Variants in CEP83 observed in about 807,000 individuals in gnomAD.
CEP83 encodes centrosomal protein 83.
Under a neutral mutation model 101.9 loss-of-function variants are expected in CEP83, and 70 were observed. The observed-to-expected ratio is 0.69, with a 90% CI of 0.57 to 0.84. The LOEUF (loss-of-function observed/expected upper bound fraction) is 0.84. Ranked by LOEUF, CEP83 falls within the 40% of genes least tolerant of loss-of-function variation. CEP83 has a pLI of 0.00. For missense variants in CEP83, 715 were observed against 787.2 expected, an observed-to-expected ratio of 0.91 and a Z score of 1.10; for synonymous variants, 264 against 267.9, an observed-to-expected ratio of 0.99 and a Z score of 0.14.
chr12:94,297,459 C>T, the CEP83 span: 21 of 1,373,394 alleles, frequency 1.5e-5, no homozygotes, highest in Non-Finnish European at 2.2e-5. Context: ...TTATGGCTAC[C>T]TAGGGGGTGT....
rs750881327 is a variant in CEP83, at chr12:94,368,226, G to A, written c.1049-25C>T. ...CCTAGTGTTTTTCAAGGAGAAAAGT[G>A]TACTATATTCAATGTTATTAAGATG... On this transcript the variant is annotated intron_variant, in intron 9 of 16. Transcript: ENST00000397809. 7.0e-6 allele frequency: 11 copies of A among 1,581,172 alleles called. No individual in the cohort carries two copies. In the East Asian group the frequency reaches 1.1e-4, roughly 16 times the overall value.
intron 6 of CEP83, among the ~76,000 whole-genome samples, chr12:94,385,475 A>G (rs948167584): frequency 6.6e-6 from 1 of 152,070 alleles, no homozygotes; most frequent in African/African-American, 2.4e-5. Context: ...AGAGGATGGG[A>G]GCCCTTGTTA....
At chr12:94,318,221 G>A (rs1210407492) in intron 14 of CEP83, among the ~76,000 whole-genome samples, 3 of 152,148 alleles carry the variant, frequency 2.0e-5, no homozygotes, top group African/African-American at 7.2e-5. Flanking sequence ...CAGCTTGGCT[G>A]TTGGTGTACA....
At chr12:94,366,849 A>G (rs1202184495) in intron 11 of CEP83, among the ~76,000 whole-genome samples, 2 of 152,164 alleles carry the variant, frequency 1.3e-5, no homozygotes, top group Non-Finnish European at 2.9e-5. Context: ...AATGACAGAA[A>G]AAAGTCACAA....
intron 14 of CEP83, among the ~76,000 whole-genome samples, chr12:94,331,078 G>A (rs140280788): frequency 6.6e-6 from 1 of 151,994 alleles, no homozygotes; most frequent in African/African-American, 2.4e-5. Context: ...GATCACTTGA[G>A]GTCAGGAGTT....
Position 94,312,749 on chromosome 12 carries a change from TCA to T in CEP83, c.1811+163_1811+164del, listed in dbSNP as rs943919771. ...GAGACCTTTTGGTTTAAAGAAACAT[TCA>T]GTTAGGGGGTAAAAAAAGGATAGTA... On this transcript the variant is annotated intron_variant, in intron 15 of 16. Coordinates refer to ENST00000397809, the MANE Select transcript of CEP83 (RefSeq NM_016122.3). 4.1e-6 allele frequency: 4 copies of T among 983,964 alleles called. No individual in the cohort carries two copies. In the African/African-American group the frequency reaches 5.2e-5, roughly 13 times the overall value. 61.0% of individuals were successfully genotyped at this position (983,964 alleles called of 1,614,324 possible).
intron 1 of CEP83, among the ~76,000 whole-genome samples, chr12:94,439,736 A>C (rs894936575): frequency 6.6e-6 from 1 of 152,068 alleles, no homozygotes; most frequent in Non-Finnish European, 1.5e-5. Flanking sequence ...AGGACATAAC[A>C]AAAAAAGAAA....
chr12:94,404,932 G>GT (rs1276408030), intron 4 of CEP83, among the ~76,000 whole-genome samples: 3 of 152,138 alleles, frequency 2.0e-5, no homozygotes, highest in Admixed American at 6.5e-5. Flanking sequence ...TTTATTGAAG[G>GT]TTTTTAAGCT....
the CEP83 span, chr12:94,298,889 A>T: frequency 8.4e-7 from 1 of 1,190,792 alleles, no homozygotes; most frequent in Non-Finnish European, 1.2e-6. Flanking sequence ...GGATTCATTT[A>T]TCTCTATATC....
At chr12:94,336,810 G>A (rs1350752270) in intron 11 of CEP83, among the ~76,000 whole-genome samples, 1 of 150,972 alleles carries the variant, frequency 6.6e-6, no homozygotes, top group Non-Finnish European at 1.5e-5. Context: ...GTTTATGAAT[G>A]TTATCAACTG....
At chr12:94,432,522 A>C (rs1246676849) in intron 2 of CEP83, among the ~76,000 whole-genome samples, 1 of 152,196 alleles carries the variant, frequency 6.6e-6, no homozygotes, top group African/African-American at 2.4e-5. Context: ...ACATGTACTC[A>C]TGTGGGAGCT....
intron 6 of CEP83, among the ~76,000 whole-genome samples, chr12:94,392,751 A>G (rs1422215940): frequency 6.6e-6 from 1 of 152,212 alleles, no homozygotes; most frequent in African/African-American, 2.4e-5. Flanking sequence ...TAGCAAGACT[A>G]ATAAAGAATC....
At chr12:94,434,770 T>A (rs2065876558) in intron 2 of CEP83, among the ~76,000 whole-genome samples, 1 of 152,242 alleles carries the variant, frequency 6.6e-6, no homozygotes, top group South Asian at 2.1e-4. Flanking sequence ...ATATATACCT[T>A]ATACATACAC....
chr12:94,285,454 G>A, the CEP83 span, among the ~76,000 whole-genome samples: 4 of 152,186 alleles, frequency 2.6e-5, no homozygotes, highest in African/African-American at 9.7e-5. Flanking sequence ...GCTGTAGGGA[G>A]TCTAGCAGAG....
intron 2 of CEP83, among the ~76,000 whole-genome samples, chr12:94,423,189 AT>A (rs2064901844): frequency 6.6e-6 from 1 of 151,824 alleles, no homozygotes; most frequent in Non-Finnish European, 1.5e-5. Flanking sequence ...GGTTCAAGTG[AT>A]TCTCCTGCCT....
chr12:94,421,159 A>G (rs1024972389), intron 2 of CEP83, among the ~76,000 whole-genome samples: 2 of 152,004 alleles, frequency 1.3e-5, no homozygotes, highest in African/African-American at 4.8e-5. Context: ...CAGTCTCCCA[A>G]GTAGCTGGTA....
the CEP83 span, among the ~76,000 whole-genome samples, chr12:94,267,338 T>G: frequency 4.7e-3 from 716 of 152,340 alleles, 4 homozygotes; most frequent in African/African-American, 0.017. Context: ...ACGTGTTTTC[T>G]CCCTTTCATT....
chr12:94,460,301 CCTT>C (rs2068053577), upstream of CEP83: 1 of 152,828 alleles, frequency 6.5e-6, no homozygotes, highest in South Asian at 2.1e-4. Flanking sequence ...TCGCGCCTCT[CCTT>C]CCCTCTTCCC....
In CEP83 at chr12:94,411,834, G is replaced by A; in HGVS notation, c.187C>T (p.His63Tyr). 4 of 1,609,930 alleles carry A rather than the reference G, an allele frequency of 2.5e-6. No homozygotes were observed. Among genetic ancestry groups the A allele is most frequent in the South Asian group, 1.1e-5 (1 of 89,834 alleles). ...KAEHTRLQNEHVKLQNELKHL... is the reference protein window; with the variant it reads ...KAEHTRLQNEYVKLQNELKHL... ...TTGAGTTCATTTTGTAACTTTACAT[G>A]TTCATTCTGCAACCTGGTTTTTTTT... is the stretch of plus-strand genomic sequence containing the variant. The change falls in exon 4 of 17, where the codon CAT (histidine) becomes TAT (tyrosine). Residue 63 changes from histidine (H) to tyrosine (Y), a missense_variant. Transcript: ENST00000397809.
Sources: gnomAD v4.1 joint callset for allele counts (sites outside exome capture counted in the v4.1 genomes callset) on GRCh38, gnomAD v4.1.1 for gene constraint, MANE v1.5 for transcripts, NCBI Gene and HGNC (gene_info 2026-07-23, HGNC 2026-07-21) for gene names.